The following MECOM variants were observed in gnomAD, a reference collection of about 807,000 sequenced individuals.
MECOM encodes the protein histone-lysine N-methyltransferase MECOM.
In MECOM, 13 loss-of-function variants were observed where a neutral mutation model predicts 116.3. The observed-to-expected ratio is 0.11, with a 90% CI of 0.07 to 0.18. MECOM has a LOEUF of 0.18. MECOM is among the 10% of genes least tolerant of loss of function. The pLI is 1.00. For missense variants in MECOM, 1,299 were observed against 1,509.0 expected (o/e 0.86, Z 2.31); for synonymous variants, 528 against 535.2 (o/e 0.99, Z 0.19).
intron 1 of MECOM, among the ~76,000 whole-genome samples, chr3:169,614,267 C>T (rs2109841870): frequency 6.6e-6 from 1 of 151,962 alleles, no homozygotes; most frequent in East Asian, 1.9e-4. Flanking sequence ...TACTAGATCA[C>T]TGAGGATGCC....
At chr3:169,617,468 T>C (rs1370032145) in intron 1 of MECOM, among the ~76,000 whole-genome samples, 4 of 152,192 alleles carry the variant, frequency 2.6e-5, no homozygotes, top group South Asian at 2.1e-4. Context: ...TACTGGTCCA[T>C]AGACTATACT....
chr3:169,098,750 A>G (rs1471656900), intron 12 of MECOM, among the ~76,000 whole-genome samples: 2 of 151,100 alleles, frequency 1.3e-5, no homozygotes, highest in Non-Finnish European at 3.0e-5. Flanking sequence ...CTGGTCTTCA[A>G]CTCCTAGGTT....
chr3:169,587,276 T>A (rs1404777391), intron 1 of MECOM, among the ~76,000 whole-genome samples: 1 of 152,186 alleles, frequency 6.6e-6, no homozygotes, highest in Non-Finnish European at 1.5e-5. Flanking sequence ...TCAAAAAGCC[T>A]GGAGCTGTCA....
chr3:169,219,597 C>T (rs2149493248), intron 2 of MECOM, among the ~76,000 whole-genome samples: 1 of 152,200 alleles, frequency 6.6e-6, no homozygotes, highest in African/African-American at 2.4e-5. Flanking sequence ...GGCAAAAAAT[C>T]AGGATGCTAT....
At chr3:169,458,713 C>T (rs560297912) in intron 1 of MECOM, among the ~76,000 whole-genome samples, 2 of 152,294 alleles carry the variant, frequency 1.3e-5, no homozygotes, top group Admixed American at 6.5e-5. Context: ...TTTTTGATTA[C>T]TGCTATAGCC....
intron 1 of MECOM, among the ~76,000 whole-genome samples, chr3:169,636,614 A>T (rs548950736): frequency 2.0e-5 from 3 of 152,286 alleles, no homozygotes; most frequent in Non-Finnish European, 1.5e-5. Context: ...ACCTCCTGGA[A>T]CCTTTAGACT....
At chr3:169,488,372 C>CAAAAAAAAAAA (rs758493062) in intron 1 of MECOM, among the ~76,000 whole-genome samples, 39 of 62,354 alleles carry the variant, frequency 6.3e-4, no homozygotes, top group African/African-American at 1.1e-3. Context: ...ACTAAAAATA[C>CAAAAAAAAAAA]AAAAAAAAAA....
intron 2 of MECOM, among the ~76,000 whole-genome samples, chr3:169,299,620 G>A (rs1195090226): frequency 6.6e-6 from 1 of 152,138 alleles, no homozygotes; most frequent in African/African-American, 2.4e-5. Flanking sequence ...CTGATCTACA[G>A]AGCTCTTTTC....
chr3:169,594,174 A>AAAAAAAAAAAAAAAAAAAAAAACC (rs1255613781), intron 1 of MECOM, among the ~76,000 whole-genome samples: 5 of 125,968 alleles, frequency 4.0e-5, no homozygotes, highest in African/African-American at 1.3e-4. Context: ...AAAAAAAAAA[A>AAAAAAAAAAAAAAAAAAAAAAACC]AACACCTTTT....
Position 169,116,257 on chromosome 3 carries a change from G to C in MECOM, c.1615C>G (p.Gln539Glu), listed in dbSNP as rs774223398. Residue 539 changes from glutamine (Q) to glutamate (E), a missense_variant, in exon 8 of 17, where the codon CAG (glutamine) becomes GAG (glutamate). By Grantham distance (29) the Gln-to-Glu change is conservative. Transcript: ENST00000651503. The part of the protein sequence containing the change: ...MTHPQILPAT[Q>E]DILKALSKHP... ...TTAGATAGTGCCTTCAAAATATCCT[G>C]TGTAGCTGGCAGTATCTGAGGATGT... 8 of 1,614,054 alleles carry C rather than the reference G, an allele frequency of 5.0e-6. No homozygotes were observed. The highest frequency in any genetic ancestry group is 1.6e-4 in the Middle Eastern group (1 of 6,084).
rs142772307 is a variant in MECOM, at chr3:169,556,440, T to A, written c.37+106896A>T. On this transcript the variant is annotated intron_variant, in intron 1 of 16. Transcript: ENST00000651503. ...AACCAAATTTCTGTAATGAAATATT[T>A]CAAGCAGATCTTCATAATATCTTGA... Among the ~76,000 whole-genome samples the A allele has an allele frequency of 5.7e-3, 875 of 152,284 alleles. 9 individuals carry two copies. The highest frequency in any genetic ancestry group is 0.02 in the African/African-American group (839 of 41,546).
intron 1 of MECOM, among the ~76,000 whole-genome samples, chr3:169,428,265 C>T (rs974808403): frequency 6.6e-6 from 1 of 152,122 alleles, no homozygotes; most frequent in Admixed American, 6.5e-5. Flanking sequence ...TTTTGTAAAC[C>T]AGGGACCTGT....
At chr3:169,562,987 C>T (rs1325047215) in intron 1 of MECOM, among the ~76,000 whole-genome samples, 1 of 151,090 alleles carries the variant, frequency 6.6e-6, no homozygotes, top group Non-Finnish European at 1.5e-5. Flanking sequence ...TTGCTTGAAC[C>T]CAGGAGGTGG....
chr3:169,258,820 T>C (rs962907124), intron 2 of MECOM, among the ~76,000 whole-genome samples: 2 of 152,226 alleles, frequency 1.3e-5, no homozygotes, highest in African/African-American at 4.8e-5. Context: ...CTTGGAGGTA[T>C]TTAAGGTTAA....
intron 5 of MECOM, 40 bp from the exon 6 acceptor site, chr3:169,122,767 A>G (rs757896199): frequency 6.3e-7 from 1 of 1,599,034 alleles, no homozygotes; most frequent in Admixed American, 1.7e-5. Context: ...CAAAGGATGC[A>G]TTCATAAACG....
intron 2 of MECOM, among the ~76,000 whole-genome samples, chr3:169,265,618 C>T (rs1758180807): frequency 6.6e-6 from 1 of 152,134 alleles, no homozygotes; most frequent in Non-Finnish European, 1.5e-5. Flanking sequence ...GAGCTGGGAA[C>T]CCATAGGCCA....
intron 2 of MECOM, among the ~76,000 whole-genome samples, chr3:169,216,658 A>C (rs1231325850): frequency 6.6e-6 from 1 of 152,144 alleles, no homozygotes; most frequent in Non-Finnish European, 1.5e-5. Context: ...GTACATTAAA[A>C]TAATATTCAT....
chr3:169,303,988 T>C (rs1355882435), intron 2 of MECOM, among the ~76,000 whole-genome samples: 1 of 152,172 alleles, frequency 6.6e-6, no homozygotes. Context: ...TTTCAAAAAA[T>C]ATGAATTTTA....
At chr3:169,656,188 GAACA>G (rs1210349900) in intron 1 of MECOM, among the ~76,000 whole-genome samples, 1 of 152,210 alleles carries the variant, frequency 6.6e-6, no homozygotes, top group African/African-American at 2.4e-5. Flanking sequence ...GTCATCATTT[GAACA>G]ACCTTGACAT....
Sources: gnomAD v4.1 joint callset for allele counts (sites outside exome capture counted in the v4.1 genomes callset) on GRCh38, gnomAD v4.1.1 for gene constraint, MANE v1.5 for transcripts, NCBI Gene and HGNC (gene_info 2026-07-23, HGNC 2026-07-21) for gene names.